Variants in CEP250 observed in about 807,000 individuals in gnomAD.
The protein encoded by CEP250 is centrosome-associated protein CEP250.
In CEP250, 242 loss-of-function variants were observed where a neutral mutation model predicts 315.7. The observed-to-expected ratio is 0.77, with a 90% CI of 0.69 to 0.85. The LOEUF is 0.85. CEP250 is among the 40% of genes least tolerant of loss of function. CEP250 has a pLI of 0.00. For missense variants in CEP250, 2,515 were observed against 2,886.4 expected (o/e 0.87, Z 2.95); for synonymous variants, 1,088 against 1,175.0 (o/e 0.93, Z 1.51).
chr20:35,473,246 C>A, intron 12 of CEP250, 128 bp from the exon 13 acceptor site: 2 of 703,774 alleles, frequency 2.8e-6, no homozygotes, highest in Non-Finnish European at 4.7e-6. Context: ...TGAATAGTTG[C>A]ATCTCCCTTC....
At chr20:35,484,616 T>C (rs1394249088) in intron 20 of CEP250, among the ~76,000 whole-genome samples, 2 of 127,068 alleles carry the variant, frequency 1.6e-5, no homozygotes, top group Non-Finnish European at 3.3e-5. Flanking sequence ...AGATAGGCAT[T>C]TTTTTTTTTC....
chr20:35,470,176 T>G (rs2062990383), intron 10 of CEP250, 190 bp downstream of exon 10: 4 of 615,960 alleles, frequency 6.5e-6, no homozygotes, highest in Non-Finnish European at 1.2e-5. Context: ...TACTATTGAC[T>G]GTCTACTATC....
intron 33 of CEP250, 79 bp downstream of exon 33, chr20:35,509,123 C>A: frequency 2.6e-6 from 3 of 1,155,130 alleles, no homozygotes; most frequent in Non-Finnish European, 3.8e-6. Context: ...CATTGCATAT[C>A]CCGGGCCAAC....
chr20:35,499,549 C>T (rs768009527), intron 27 of CEP250, among the ~76,000 whole-genome samples: 12 of 152,180 alleles, frequency 7.9e-5, no homozygotes, highest in Non-Finnish European at 1.6e-4. Context: ...AGGAGAAAGA[C>T]CTGGTCTCTG....
chr20:35,504,876 G>A lies in CEP250; in HGVS notation c.6507G>A (p.Trp2169Ter), dbSNP rs1196672067. ...AGACAGAAGCCAGGGAGATTGAGTGGAGGGAGAAGGCCCAGGACTTGGCAC... is the reference window on the plus strand; with the variant it reads ...AGACAGAAGCCAGGGAGATTGAGTGAAGGGAGAAGGCCCAGGACTTGGCAC... ...LRQTEAREIE[W>*]REKAQDLALS... Residue 2169 changes from tryptophan to a stop codon, truncating the protein, a stop_gained, in exon 30 of 35, where the codon TGG (tryptophan) becomes TGA (stop). Coordinates refer to ENST00000397527, the MANE Select transcript of CEP250 (RefSeq NM_007186.6). LOFTEE classifies it high-confidence loss of function. 2 of 1,614,118 alleles carry A rather than the reference G, an allele frequency of 1.2e-6. No homozygotes were observed. The highest frequency in any genetic ancestry group is 2.7e-5 in the African/African-American group (2 of 74,938).
intron 19 of CEP250, 29 bp downstream of exon 19, chr20:35,479,802 T>A: frequency 6.2e-7 from 1 of 1,613,756 alleles, no homozygotes; most frequent in Non-Finnish European, 8.5e-7. Context: ...TGGGATGCAC[T>A]CCATTCCATG....
At position 35,503,259 on chromosome 20, in the gene CEP250, G is replaced by A. The variant is rs764046062; in HGVS notation, c.4890G>A (p.Gln1630=). Residue 1630 remains glutamine (Q), a synonymous_variant, in exon 30 of 35, where the codon CAG becomes CAA. Coordinates refer to ENST00000397527, the MANE Select transcript of CEP250 (RefSeq NM_007186.6). This position sits in a 1 kb window ranked among gnomAD's most constrained non-coding sequence, Gnocchi z 4.2. ...VLARELQERD[Q]EVKSQREQIE... The stretch of plus-strand genomic sequence containing the variant: ...CAAGAGAGCTGCAGGAGAGGGACCA[G>A]GAGGTGAAGTCTCAGCGAGAACAGA... 24 of 1,614,096 alleles carry A rather than the reference G, an allele frequency of 1.5e-5. No homozygotes were observed. Among genetic ancestry groups the A allele is most frequent in the Non-Finnish European group, 2.0e-5 (24 of 1,180,052 alleles).
intron 20 of CEP250, among the ~76,000 whole-genome samples, chr20:35,485,645 C>CTTTTTTTTTTTTTT (rs782622070): frequency 5.9e-5 from 2 of 33,818 alleles, no homozygotes; most frequent in Admixed American, 5.0e-4. Flanking sequence ...GTCTGCCTGG[C>CTTTTTTTTTTTTTT]TTTTTTTTTT....
In CEP250 at chr20:35,511,383, G is replaced by T. The variant is rs2064354260; in HGVS notation, c.7086G>T (p.Gln2362His). 2 of 1,607,868 alleles carry T rather than the reference G, an allele frequency of 1.2e-6. No individual in the cohort carries two copies. Among genetic ancestry groups the T allele is most frequent in the Non-Finnish European group, 1.7e-6 (2 of 1,176,218 alleles). ...ACCAGGTGGTCCTGCTGCAAGCTCA[G>T]CTGACTTTGGAGCGGAAGCAGAAGC... ...LQKEVVLLQAQLTLERKQKQD... is the reference protein window; with the variant it reads ...LQKEVVLLQAHLTLERKQKQD... Residue 2362 changes from glutamine (Q) to histidine (H), a missense_variant, in exon 35 of 35, where the codon CAG becomes CAT. By Grantham distance (24) the Gln-to-His change is conservative. Transcript: ENST00000397527.
intron 32 of CEP250, 77 bp downstream of exon 32, chr20:35,508,267 C>A: frequency 6.7e-7 from 1 of 1,488,562 alleles, no homozygotes; most frequent in African/African-American, 1.4e-5. Flanking sequence ...CAGTAAATTA[C>A]AGCCTGTGGG....
At position 35,505,873 on chromosome 20, in the gene CEP250, G is replaced by A. The variant is rs111388825; in HGVS notation, c.6636+868G>A. ...GCTTACAAGTCATGCTGAGGACCTG[G>A]GTGGTGGGAAGCAGATGAAGTTTTT... On this transcript the variant is annotated intron_variant, in intron 30 of 34. Transcript: ENST00000397527. 1.4e-4 allele frequency among the ~76,000 whole-genome samples: 22 copies of A among 152,272 alleles called. 2 individuals carry two copies. Among genetic ancestry groups the A allele is most frequent in the African/African-American group, 5.1e-4 (21 of 41,550 alleles).
intron 4 of CEP250, among the ~76,000 whole-genome samples, chr20:35,463,032 G>A (rs7361904): frequency 6.6e-6 from 1 of 152,170 alleles, no homozygotes; most frequent in Non-Finnish European, 1.5e-5. Context: ...TGATATAAAA[G>A]GCATATAGAA....
In CEP250 at chr20:35,511,480, C is replaced by T; in HGVS notation, c.7183C>T (p.Leu2395Phe). 1.2e-6 allele frequency: 2 copies of T among 1,614,180 alleles called. No homozygotes were observed. The highest frequency in any genetic ancestry group is 1.7e-6 in the Non-Finnish European group (2 of 1,180,040). The part of the protein sequence containing the change: ...AGLHHSLSHS[L>F]LAVAQAPEAT... Reference sequence around the variant, plus strand: ...CCTGCACCACAGCCTCTCACACTCACTTCTTGCCGTGGCCCAGGCCCCTGA... The same window carrying T: ...CCTGCACCACAGCCTCTCACACTCATTTCTTGCCGTGGCCCAGGCCCCTGA... The change falls in exon 35 of 35, where the codon CTT becomes TTT. Residue 2395 changes from leucine (L) to phenylalanine (F), a missense_variant. Coordinates refer to ENST00000397527, the MANE Select transcript of CEP250 (RefSeq NM_007186.6).
Position 35,490,780 on chromosome 20 carries a change from C to T in CEP250, c.2730C>T (p.Thr910=). ...AGGCCCAGAGGGAAGAAGAACGGAC[C>T]CAGGCAGAGAGTGCCCTATGCCAGG... ...AIQAQREEER[T]QAESALCQMQ... The change falls in exon 21 of 35, where the codon ACC becomes ACT. Residue 910 remains threonine (T), a synonymous_variant. Transcript: ENST00000397527. 1 of 1,613,276 alleles carries T rather than the reference C, an allele frequency of 6.2e-7. No individual in the cohort carries two copies. The highest frequency in any genetic ancestry group is 8.5e-7 in the Non-Finnish European group (1 of 1,179,878).
chr20:35,513,736 C>T lies in CEP250; in HGVS notation c.*2110C>T, dbSNP rs2147253483. On this transcript the variant is annotated 3_prime_UTR_variant, in exon 35 of 35. Coordinates refer to ENST00000397527, the MANE Select transcript of CEP250 (RefSeq NM_007186.6). Reference sequence around the variant, plus strand: ...TCATGAGCCAGGGCCTTAGGCCCCACATACCTTCTGGGCCTCAGAGAGGTT... The same window carrying T: ...TCATGAGCCAGGGCCTTAGGCCCCATATACCTTCTGGGCCTCAGAGAGGTT... 1 of 152,360 alleles carries T rather than the reference C, an allele frequency of 6.6e-6. No individual in the cohort carries two copies. The highest frequency in any genetic ancestry group is 3.4e-3 in the Middle Eastern group (1 of 294). 9.4% of individuals were successfully genotyped at this position (152,360 alleles called of 1,614,324 possible).
Position 35,508,049 on chromosome 20 carries a change from G to T in CEP250, c.6765G>T (p.Glu2255Asp). Residue 2255 changes from glutamate (E) to aspartate (D), a missense_variant, in exon 32 of 35, where the codon GAG becomes GAT. Physicochemically the swap from Glu to Asp is conservative, Grantham distance 45 (BLOSUM62 2). Coordinates refer to ENST00000397527, the MANE Select transcript of CEP250 (RefSeq NM_007186.6). ...CTTTCCCACAGGTCTCAGGAGTGGA[G>T]GCTGAGCCTAGTCCTGATGGAATGG... ...GVQLGEVSGVEAEPSPDGMEK... is the reference protein window; with the variant it reads ...GVQLGEVSGVDAEPSPDGMEK... 1 of 1,614,200 alleles carries T rather than the reference G, an allele frequency of 6.2e-7. No individual in the cohort carries two copies. Among genetic ancestry groups the T allele is most frequent in the Non-Finnish European group, 8.5e-7 (1 of 1,180,034 alleles).
chr20:35,476,650 A>G, intron 16 of CEP250, 55 bp downstream of exon 16: 3 of 1,494,600 alleles, frequency 2.0e-6, no homozygotes, highest in Non-Finnish European at 2.8e-6. Flanking sequence ...ACTGAGAGCA[A>G]GACGGATCAG....
chr20:35,475,452 T>G (rs1454818223), intron 14 of CEP250, 50 bp from the exon 15 acceptor site: 1 of 1,594,850 alleles, frequency 6.3e-7, no homozygotes, highest in Non-Finnish European at 8.6e-7. Flanking sequence ...CCTTTGGGGT[T>G]ATGGCCCATC....
chr20:35,468,755 A>T (rs932854125), intron 9 of CEP250, among the ~76,000 whole-genome samples: 2 of 152,184 alleles, frequency 1.3e-5, no homozygotes, highest in Middle Eastern at 3.2e-3. Flanking sequence ...AGCTCACCGC[A>T]GCCTTAACCT....
Sources: gnomAD v4.1 joint callset for allele counts (sites outside exome capture counted in the v4.1 genomes callset) on GRCh38, gnomAD v4.1.1 for gene constraint, Gnocchi (gnomAD v3.1) non-coding constraint, MANE v1.5 for transcripts, NCBI Gene and HGNC (gene_info 2026-07-23, HGNC 2026-07-21) for gene names.